GRB10: variants seen among roughly 807,000 people sequenced by gnomAD.
GRB10 encodes the protein growth factor receptor-bound protein 10.
GRB10 carries 20 observed loss-of-function variants against 80.9 expected under a neutral mutation model. That is an observed-to-expected ratio of 0.25 (90% CI 0.17 to 0.36). The LOEUF is 0.36. Ranked by LOEUF, GRB10 falls within the 10% of genes least tolerant of loss-of-function variation. The pLI is 1.00. For synonymous variants in GRB10, 291 were observed against 291.5 expected, an observed-to-expected ratio of 1.00 and a Z score of 0.02; for missense variants, 548 against 747.7, an observed-to-expected ratio of 0.73 and a Z score of 3.12.
At chr7:50,792,670 A>C (rs1350022979) in intron 1 of GRB10, 3 of 388,920 alleles carry the variant, frequency 7.7e-6, no homozygotes, top group African/African-American at 2.1e-5. Flanking sequence ...CCTCCGTACG[A>C]GGCTGGGCCG....
intron 4 of GRB10, among the ~76,000 whole-genome samples, chr7:50,708,538 C>T (rs1234672780): frequency 6.6e-6 from 1 of 152,116 alleles, no homozygotes; most frequent in Non-Finnish European, 1.5e-5. Flanking sequence ...AACACAGGGA[C>T]AAGAATAAAA....
intron 5 of GRB10, among the ~76,000 whole-genome samples, chr7:50,699,896 G>A (rs1054456839): frequency 3.3e-5 from 5 of 152,176 alleles, no homozygotes; most frequent in African/African-American, 1.2e-4. Context: ...AACACTTTGG[G>A]AGGCCGAGGC....
At chr7:50,645,721 A>C in intron 7 of GRB10, 1 of 610,026 alleles carries the variant, frequency 1.6e-6, no homozygotes, top group Non-Finnish European at 2.1e-6. Flanking sequence ...GGCTCAGTAA[A>C]CATCGTCTAG....
rs760043716 is a variant in GRB10, at chr7:50,626,793, G to A, written c.661+29C>T. 3 of 1,613,656 alleles carry A rather than the reference G, an allele frequency of 1.9e-6. No individual in the cohort carries two copies. The African/African-American group carries it at 4.0e-5, about 22-fold the overall frequency. ...TTCAATTGCACATAAGCATCCCCAGGTGCCAATCCTGTTCTGATGGTTCCC... is the reference window on the plus strand; with the variant it reads ...TTCAATTGCACATAAGCATCCCCAGATGCCAATCCTGTTCTGATGGTTCCC... On this transcript the variant is annotated intron_variant, in intron 8 of 18. Coordinates refer to ENST00000401949, the MANE Select transcript of GRB10 (RefSeq NM_001350814.2).
chr7:50,656,789 C>T lies in GRB10; in HGVS notation c.504+12933G>A, dbSNP rs1223682400. Among the ~76,000 whole-genome samples, 3 of 152,186 alleles carry T rather than the reference C, an allele frequency of 2.0e-5. No individual in the cohort carries two copies. In the East Asian group the frequency reaches 5.8e-4, roughly 29 times the overall value. ...GAATGGGGTCAGGGCTCGGAAGTCC[C>T]GAAACTCACTCTATCCCGGATGTGG... On this transcript the variant is annotated intron_variant, in intron 7 of 18. Coordinates refer to ENST00000401949, the MANE Select transcript of GRB10 (RefSeq NM_001350814.2).
At chr7:50,734,465 C>A (rs77674927) in intron 3 of GRB10, among the ~76,000 whole-genome samples, 1 of 151,680 alleles carries the variant, frequency 6.6e-6, no homozygotes, top group African/African-American at 2.4e-5. Flanking sequence ...CCACACCCCC[C>A]ACGCACGCCG....
chr7:50,638,197 T>A (rs997830890), intron 7 of GRB10, among the ~76,000 whole-genome samples: 2 of 152,178 alleles, frequency 1.3e-5, no homozygotes, highest in African/African-American at 4.8e-5. Flanking sequence ...AGGAAAAAAC[T>A]TTTGGAGTTT....
intron 6 of GRB10, 104 bp from the exon 7 acceptor site, chr7:50,669,967 G>A: frequency 7.2e-7 from 1 of 1,394,870 alleles, no homozygotes; most frequent in African/African-American, 1.4e-5. Context: ...GGGCTTCTAG[G>A]AGTCACTGGC....
intron 2 of GRB10, among the ~76,000 whole-genome samples, 191 bp from the exon 3 acceptor site, chr7:50,756,247 T>C (rs1387261412): frequency 2.6e-5 from 4 of 152,236 alleles, no homozygotes; most frequent in Admixed American, 1.3e-4. Flanking sequence ...AGTTGTCACA[T>C]GATGCCCAGA....
intron 2 of GRB10, among the ~76,000 whole-genome samples, chr7:50,769,173 G>C (rs1220698129): frequency 6.6e-6 from 1 of 152,130 alleles, no homozygotes; most frequent in Non-Finnish European, 1.5e-5. Flanking sequence ...TCCACTCTTA[G>C]CATTTCATTA....
chr7:50,720,410 C>T lies in GRB10; in HGVS notation c.51+11862G>A, dbSNP rs192835990. 1.7e-4 allele frequency among the ~76,000 whole-genome samples: 26 copies of T among 152,204 alleles called. 1 individual carries two copies. The highest frequency in any genetic ancestry group is 1.5e-3 in the South Asian group (7 of 4,822). ...ATTGACTGCATGATGAAAACTGGATCGCAAACCCTACCTAAGTGACCCCCT... is the reference window on the plus strand; with the variant it reads ...ATTGACTGCATGATGAAAACTGGATTGCAAACCCTACCTAAGTGACCCCCT... On this transcript the variant is annotated intron_variant, in intron 4 of 18. Coordinates refer to ENST00000401949, the MANE Select transcript of GRB10 (RefSeq NM_001350814.2).
intron 7 of GRB10, among the ~76,000 whole-genome samples, chr7:50,640,643 A>G (rs1009221443): frequency 6.6e-5 from 10 of 152,222 alleles, no homozygotes; most frequent in African/African-American, 2.4e-4. Context: ...TCTCAAACCT[A>G]TGAGGAGAGC....
chr7:50,616,562 T>C (rs568782667), intron 10 of GRB10, among the ~76,000 whole-genome samples: 2 of 152,318 alleles, frequency 1.3e-5, no homozygotes, highest in South Asian at 4.1e-4. Context: ...AAATGGACCT[T>C]TCCAACACTG....
intron 18 of GRB10, 101 bp downstream of exon 18, chr7:50,595,336 C>T: frequency 1.3e-6 from 1 of 773,556 alleles, no homozygotes; most frequent in Non-Finnish European, 2.4e-6. Flanking sequence ...TTGAAACTGT[C>T]TGATACTTAC....
rs1252904076 is a variant in GRB10 at position 50,746,008 on chromosome 7, G to T, written c.-47+9879C>A. ...TTGCTCTCTTCCCAATTAGGCCCCA[G>T]AGTCCAGTATCTGAGCTGTAAGGAC... On this transcript the variant is annotated intron_variant, in intron 3 of 18. Transcript: ENST00000401949. Among the ~76,000 whole-genome samples the T allele has an allele frequency of 3.3e-5, 5 of 152,274 alleles. No homozygotes were observed. The East Asian group carries it at 9.7e-4, about 29-fold the overall frequency.
chr7:50,640,687 G>A (rs1334478688), intron 7 of GRB10, among the ~76,000 whole-genome samples: 1 of 152,148 alleles, frequency 6.6e-6, no homozygotes, highest in Non-Finnish European at 1.5e-5. Context: ...TAGCTTATTT[G>A]CCATCCAAAT....
intron 2 of GRB10, among the ~76,000 whole-genome samples, chr7:50,756,948 G>A (rs1008224489): frequency 1.3e-5 from 2 of 152,200 alleles, no homozygotes; most frequent in African/African-American, 2.4e-5. Flanking sequence ...TGGGCTGGAG[G>A]AGGTCCCCTG....
intron 6 of GRB10, 103 bp downstream of exon 6, chr7:50,674,333 A>G: frequency 8.6e-7 from 1 of 1,160,906 alleles, no homozygotes; most frequent in East Asian, 2.5e-5. Context: ...ACTTTGCAAG[A>G]CCAACACTAT....
At chr7:50,763,548 G>A (rs370274632) in intron 2 of GRB10, among the ~76,000 whole-genome samples, 3 of 152,146 alleles carry the variant, frequency 2.0e-5, no homozygotes, top group Admixed American at 6.5e-5. Flanking sequence ...ATACACACGC[G>A]TGCATACACA....
Sources: gnomAD v4.1 joint callset for allele counts (sites outside exome capture counted in the v4.1 genomes callset) on GRCh38, gnomAD v4.1.1 for gene constraint, MANE v1.5 for transcripts, NCBI Gene and HGNC (gene_info 2026-07-23, HGNC 2026-07-21) for gene names.